Variants in GART observed in about 807,000 individuals in gnomAD.
The protein encoded by GART is phosphoribosylglycinamide formyltransferase, phosphoribosylglycinamide synthetase, phosphoribosylaminoimidazole synthetase.
In GART, 43 loss-of-function variants were observed where a neutral mutation model predicts 107.2. The ratio of observed to expected loss-of-function variants is 0.40; its 90% CI spans 0.31 to 0.52. GART has a LOEUF of 0.52. GART is among the 20% of genes least tolerant of loss of function. The pLI is 0.52. For missense variants in GART, 1,107 were observed against 1,206.5 expected (o/e 0.92, Z 1.22); for synonymous variants, 434 against 427.0 (o/e 1.02, Z -0.20).
In GART at chr21:33,539,304, T is replaced by C; in HGVS notation, c.12A>G (p.Arg4=). 1 of 1,613,164 alleles carries C rather than the reference T, an allele frequency of 6.2e-7. No individual in the cohort carries two copies. The highest frequency in any genetic ancestry group is 8.5e-7 in the Non-Finnish European group (1 of 1,179,710). Residue 4 remains arginine, a synonymous_variant, in exon 2 of 22, where the codon CGA becomes CGG. Coordinates refer to ENST00000381815, the MANE Select transcript of GART (RefSeq NM_000819.5). ...TTCCTCCACTGCCAATTATAAGTAC[T>C]CGGGCTGCCATTGTTCTGTCTGTAA... MAA[R]VLIIGSGGRE...
intron 18 of GART, among the ~76,000 whole-genome samples, chr21:33,508,505 T>C (rs950973854): frequency 6.6e-6 from 1 of 150,876 alleles, no homozygotes; most frequent in Non-Finnish European, 1.5e-5. Flanking sequence ...TTTGTATCTA[T>C]TGTTTCCATC....
chr21:33,534,369 T>C (rs558218242), intron 4 of GART, among the ~76,000 whole-genome samples: 31 of 151,702 alleles, frequency 2.0e-4, no homozygotes, highest in Admixed American at 3.3e-4. Flanking sequence ...CACACCATCA[T>C]GCCCGGCTTT....
chr21:33,520,950 G>C lies in GART; in HGVS notation c.1459C>G (p.Pro487Ala), dbSNP rs772854093. The change falls in exon 13 of 22, where the codon CCC (proline) becomes GCC (alanine). Residue 487 changes from proline (P) to alanine (A), a missense_variant. Physicochemically the swap from Pro to Ala is conservative, Grantham distance 27. Coordinates refer to ENST00000381815, the MANE Select transcript of GART (RefSeq NM_000819.5). ...FDLKAAGFKDPLLASGTDGVG... is the reference protein window; with the variant it reads ...FDLKAAGFKDALLASGTDGVG... ...CCATCTGTTCCAGAGGCCAGAAGGG[G>C]ATCTTTGAAACCAGCTGCTTTTAAA... 1.9e-6 allele frequency: 3 copies of C among 1,614,068 alleles called. No individual in the cohort carries two copies. Among genetic ancestry groups the C allele is most frequent in the Non-Finnish European group, 2.5e-6 (3 of 1,179,984 alleles).
chr21:33,538,496 G>A (rs1443380901), intron 2 of GART, among the ~76,000 whole-genome samples: 2 of 152,140 alleles, frequency 1.3e-5, no homozygotes, highest in East Asian at 3.9e-4. Flanking sequence ...GCTTCCCAAA[G>A]TGCTGGGATT....
At position 33,539,172 on chromosome 21, in the gene GART, G is replaced by A. The variant is rs141635320; in HGVS notation, c.144C>T (p.Thr48=). The change falls in exon 2 of 22, where the codon ACC becomes ACT. Residue 48 remains threonine (T), a splice_region_variant and synonymous_variant. Coordinates refer to ENST00000381815, the MANE Select transcript of GART (RefSeq NM_000819.5). ...CTCCCCACTTTAAAACATGATTACC[G>A]GTATTTGAAATCTTTTCAGAGCAGG... ...GTACSEKISN[T]AISISDHTAL... 2.8e-5 allele frequency: 45 copies of A among 1,611,314 alleles called. No homozygotes were observed. The highest frequency in any genetic ancestry group is 3.4e-5 in the Non-Finnish European group (40 of 1,178,964).
At chr21:33,510,800 T>C (rs1035014323) in intron 17 of GART, among the ~76,000 whole-genome samples, 2 of 152,182 alleles carry the variant, frequency 1.3e-5, no homozygotes, top group African/African-American at 2.4e-5. Context: ...GAATCTTCTC[T>C]GTATCGTTCC....
In GART at chr21:33,534,764, A is replaced by C; in HGVS notation, c.242-11T>G. The stretch of plus-strand genomic sequence containing the variant: ...GGTTCCCAACAATCCCTATTGATGA[A>C]AACAGTAGCCTTAGGTGAACCAAGG... On this transcript the variant is annotated splice_polypyrimidine_tract_variant and intron_variant, in intron 3 of 21. Transcript: ENST00000381815. The C allele has an allele frequency of 1.9e-6, 3 of 1,556,946 alleles. No homozygotes were observed. Among genetic ancestry groups the C allele is most frequent in the Non-Finnish European group, 2.6e-6 (3 of 1,156,622 alleles).
chr21:33,528,957 A>T lies in GART; in HGVS notation c.724-20T>A. The T allele has an allele frequency of 6.6e-7, 1 of 1,524,610 alleles. No individual in the cohort carries two copies. Among genetic ancestry groups the T allele is most frequent in the Non-Finnish European group, 9.1e-7 (1 of 1,098,900 alleles). The allele number at this position is 1,524,610 out of a possible 1,614,324, so 94.4% of individuals were successfully genotyped here. On this transcript the variant is annotated intron_variant, in intron 7 of 21. Coordinates refer to ENST00000381815, the MANE Select transcript of GART (RefSeq NM_000819.5). ...AGAAACCTGGAGAACGTGCAGAAAC[A>T]GTTAAATGTAACAGGTAACTTAAAA...
At chr21:33,510,591 A>G (rs2084768265) in intron 17 of GART, among the ~76,000 whole-genome samples, 1 of 152,028 alleles carries the variant, frequency 6.6e-6, no homozygotes, top group Non-Finnish European at 1.5e-5. Context: ...CGGCCTCCCA[A>G]AGTGCTGGGA....
intron 6 of GART, chr21:33,531,155 T>C (rs1033917536): frequency 4.6e-5 from 18 of 393,324 alleles, no homozygotes; most frequent in Non-Finnish European, 8.9e-6. Flanking sequence ...TCCCCCACTT[T>C]AAGCTTCCAG....
At chr21:33,529,137 T>G (rs996356053) in intron 7 of GART, among the ~76,000 whole-genome samples, 200 bp from the exon 8 acceptor site, 1 of 152,150 alleles carries the variant, frequency 6.6e-6, no homozygotes, top group Non-Finnish European at 1.5e-5. Context: ...AGCTTTATGA[T>G]TTTCAAAAAA....
At chr21:33,517,173 G>T (rs749647257) in intron 15 of GART, 32 bp from the exon 16 acceptor site, 1 of 1,582,140 alleles carries the variant, frequency 6.3e-7, no homozygotes, top group Non-Finnish European at 8.6e-7. Flanking sequence ...CAAAAACTTA[G>T]CCTATGAATA....
intron 10 of GART, among the ~76,000 whole-genome samples, chr21:33,527,529 A>C (rs1273894871): frequency 1.3e-5 from 2 of 150,912 alleles, no homozygotes; most frequent in African/African-American, 4.9e-5. Context: ...AAAAAAGGAA[A>C]CCCCCCAAAT....
chr21:33,534,592 T>C lies in GART; in HGVS notation c.403A>G (p.Ser135Gly), dbSNP rs754416738. Residue 135 changes from serine to glycine, a missense_variant, in exon 4 of 22, where the codon AGC (serine) becomes GGC (glycine). Physicochemically the swap from Ser to Gly is moderately conservative, Grantham distance 56 (BLOSUM62 0). Transcript: ENST00000381815. ...KAFTKPEEAC[S>G]FILSADFPAL... The stretch of plus-strand genomic sequence containing the variant: ...CCATTTACCTACCTCAAAATGAAGC[T>C]GCAGGCTTCTTCAGGTTTGGTGAAA... The C allele has an allele frequency of 6.2e-7, 1 of 1,614,158 alleles. No individual in the cohort carries two copies. Among genetic ancestry groups the C allele is most frequent in the Non-Finnish European group, 8.5e-7 (1 of 1,179,998 alleles).
At position 33,524,781 on chromosome 21, in the gene GART, A is replaced by G; in HGVS notation, c.1286T>C (p.Leu429Pro). 1 of 1,614,222 alleles carries G rather than the reference A, an allele frequency of 6.2e-7. No homozygotes were observed. Among genetic ancestry groups the G allele is most frequent in the South Asian group, 1.1e-5 (1 of 91,088 alleles). ...KDVGFRAIAF[L>P]QQPRSLTYKE... ...CTTAGAGTTTTACCTGGGCTGCTGG[A>G]GGAAAGCTATGGCACGAAAGCCGAC... Residue 429 changes from leucine (L) to proline (P), a missense_variant, in exon 11 of 22, where the codon CTC (leucine) becomes CCC (proline). Physicochemically the swap from Leu to Pro is moderately conservative, Grantham distance 98. Transcript: ENST00000381815.
rs79087417 is a variant in GART at position 33,522,298 on chromosome 21, C to T, written c.1299-16G>A. ...AGTCAAACTCCTAAAGAATTAAAAACAAGTCATCACCTAAACGTCAGGGAA... is the reference window on the plus strand; with the variant it reads ...AGTCAAACTCCTAAAGAATTAAAAATAAGTCATCACCTAAACGTCAGGGAA... On this transcript the variant is annotated splice_polypyrimidine_tract_variant and intron_variant, in intron 11 of 21. Transcript: ENST00000381815. The T allele has an allele frequency of 0.085, 130,194 of 1,535,462 alleles. 6,825 individuals are homozygous for T. Among genetic ancestry groups the T allele is most frequent in the Non-Finnish European group, 0.093 (103,595 of 1,109,284 alleles).
At chr21:33,510,679 G>A (rs2084769907) in intron 17 of GART, among the ~76,000 whole-genome samples, 2 of 152,174 alleles carry the variant, frequency 1.3e-5, no homozygotes, top group African/African-American at 4.8e-5. Context: ...TATCTTTCCG[G>A]CATTTGGAGA....
chr21:33,519,081 C>T (rs1046245243), intron 14 of GART: 4 of 294,246 alleles, frequency 1.4e-5, no homozygotes, highest in African/African-American at 8.8e-5. Context: ...GTTTCTTTTC[C>T]ATCATTACGC....
At chr21:33,525,667 C>T (rs1360018564) in intron 10 of GART, among the ~76,000 whole-genome samples, 1 of 151,780 alleles carries the variant, frequency 6.6e-6, no homozygotes, top group African/African-American at 2.4e-5. Flanking sequence ...CTGATCTGCC[C>T]GCCTTGGCCT....
Sources: gnomAD v4.1 joint callset for allele counts (sites outside exome capture counted in the v4.1 genomes callset) on GRCh38, gnomAD v4.1.1 for gene constraint, MANE v1.5 for transcripts, NCBI Gene and HGNC (gene_info 2026-07-23, HGNC 2026-07-21) for gene names.